The following FOXP4 variants were observed in gnomAD, a reference collection of about 807,000 sequenced individuals.
FOXP4 encodes forkhead box protein P4.
FOXP4 carries 25 observed loss-of-function variants against 82.6 expected under a neutral mutation model. The ratio of observed to expected loss-of-function variants is 0.30; its 90% confidence interval spans 0.22 to 0.42. The LOEUF (loss-of-function observed/expected upper bound fraction) is 0.42, where lower values mean the gene tolerates loss of function less well. Ranked by LOEUF, FOXP4 falls within the 10% of genes least tolerant of loss-of-function variation. The pLI is 1.00. For missense variants in FOXP4, 785 were observed against 900.9 expected (o/e 0.87, Z 1.65); for synonymous variants, 415 against 388.2 (o/e 1.07, Z -0.81).
At position 41,584,836 on chromosome 6, in the gene FOXP4, C is replaced by T. The variant is rs1581764885; in HGVS notation, c.368C>T (p.Ser123Leu). ...LTPQQMQQIL[S>L]PPQLQALLQQ... Reference sequence around the variant, plus strand: ...CCGCAACAGATGCAGCAGATCCTGTCGCCCCCGCAGCTGCAGGCCTTGCTC... The same window carrying T: ...CCGCAACAGATGCAGCAGATCCTGTTGCCCCCGCAGCTGCAGGCCTTGCTC... The change falls in exon 4 of 17, where the codon TCG becomes TTG. Residue 123 changes from serine (S) to leucine (L), a missense_variant. Around this residue, in one of 3 missense-constraint regions of FOXP4, gnomAD observed 570 missense variants for 634.0 expected, o/e 0.90. Transcript: ENST00000307972. 1.9e-6 allele frequency: 3 copies of T among 1,609,828 alleles called. No individual in the cohort carries two copies. The highest frequency in any genetic ancestry group is 2.5e-6 in the Non-Finnish European group (3 of 1,178,320).
At position 41,558,911 on chromosome 6, in the gene FOXP4, G is replaced by C. The variant is rs1436725938; in HGVS notation, c.-16-6834G>C. 6.6e-6 allele frequency among the ~76,000 whole-genome samples: 1 copy of C among 152,248 alleles called. No individual in the cohort carries two copies. The highest frequency in any genetic ancestry group is 1.5e-5 in the Non-Finnish European group (1 of 68,042). On this transcript the variant is annotated intron_variant, in intron 1 of 16. Transcript: ENST00000307972. The surrounding 1 kb of genome is among the most constrained non-coding windows in gnomAD (Gnocchi z 4.0). ...AAACAAATAGAGAAAGAAGGAACTA[G>C]AAGACATCCTTGTGCTCTGGTATCC...
At chr6:41,562,882 G>T (rs1764667566) in intron 1 of FOXP4, among the ~76,000 whole-genome samples, 1 of 152,212 alleles carries the variant, frequency 6.6e-6, no homozygotes, top group African/African-American at 2.4e-5. Flanking sequence ...TGCTGGCTGG[G>T]TGGTTTCAGG....
At chr6:41,553,320 G>T (rs1232345656) in intron 1 of FOXP4, among the ~76,000 whole-genome samples, 1 of 149,506 alleles carries the variant, frequency 6.7e-6, no homozygotes, top group Admixed American at 6.8e-5. Context: ...ATTGAATCTC[G>T]TTGGGAGAGA....
In FOXP4 at chr6:41,594,965, G is replaced by T. The variant is rs1200994334; in HGVS notation, c.1632G>T (p.Gln544His). ...AVWTVDEREY[Q>H]KRRPPKMTGS... Reference sequence around the variant, plus strand: ...GGACTGTGGACGAGCGGGAGTATCAGAAGCGGAGACCGCCAAAGATGACAG... The same window carrying T: ...GGACTGTGGACGAGCGGGAGTATCATAAGCGGAGACCGCCAAAGATGACAG... The change falls in exon 14 of 17, where the codon CAG (glutamine) becomes CAT (histidine). Residue 544 changes from glutamine to histidine, a missense_variant. Transcript: ENST00000307972. The T allele has an allele frequency of 1.2e-6, 2 of 1,614,090 alleles. No homozygotes were observed. Among genetic ancestry groups the T allele is most frequent in the Non-Finnish European group, 1.7e-6 (2 of 1,180,044 alleles).
At chr6:41,561,389 G>A (rs181886614) in intron 1 of FOXP4, among the ~76,000 whole-genome samples, 37 of 152,302 alleles carry the variant, frequency 2.4e-4, no homozygotes, top group Admixed American at 2.4e-3. Flanking sequence ...TAAGAGCCCA[G>A]TATTAGCGAA....
Position 41,599,899 on chromosome 6 carries a change from C to T in FOXP4, c.*963C>T, listed in dbSNP as rs998824997. On this transcript the variant is annotated 3_prime_UTR_variant, in exon 17 of 17. Coordinates refer to ENST00000307972, the MANE Select transcript of FOXP4 (RefSeq NM_001012426.2). ...CTCCCCTTCCTTGCCCGCCTCTCCC[C>T]CCGCCGCCCCACCAGTTAAACGGAT... is the stretch of plus-strand genomic sequence containing the variant. The T allele has an allele frequency of 2.0e-5, 3 of 152,648 alleles. No individual in the cohort carries two copies. The highest frequency in any genetic ancestry group is 7.2e-5 in the African/African-American group (3 of 41,434). 9.5% of individuals were successfully genotyped at this position (152,648 alleles called of 1,614,324 possible). A position where few individuals can be genotyped will look rare whatever the true frequency, so the allele number is the denominator to read the frequency against.
intron 2 of FOXP4, among the ~76,000 whole-genome samples, chr6:41,572,870 C>T (rs932632921): frequency 4.6e-5 from 7 of 152,182 alleles, no homozygotes; most frequent in Non-Finnish European, 8.8e-5. Flanking sequence ...GCCACTGTGT[C>T]CCGTTGGGCA....
intron 1 of FOXP4, among the ~76,000 whole-genome samples, chr6:41,548,012 T>A (rs1215916630): frequency 6.6e-6 from 1 of 152,170 alleles, no homozygotes; most frequent in African/African-American, 2.4e-5. Flanking sequence ...GGCGGCGGAT[T>A]CCCTGTGTCC....
At position 41,562,032 on chromosome 6, in the gene FOXP4, T is replaced by C. The variant is rs371136573; in HGVS notation, c.-16-3713T>C. Among the ~76,000 whole-genome samples the C allele has an allele frequency of 2.2e-4, 33 of 152,342 alleles. No homozygotes were observed. The East Asian group carries it at 2.7e-3, about 12-fold the overall frequency. ...CTTCCCCATCCTGTCTTTAGCTGAC[T>C]GGGTCCCAGGCACCCAGAGCCTGCT... is the stretch of plus-strand genomic sequence containing the variant. On this transcript the variant is annotated intron_variant, in intron 1 of 16. Transcript: ENST00000307972.
At chr6:41,566,773 G>A (rs1764904243) in intron 2 of FOXP4, among the ~76,000 whole-genome samples, 1 of 152,204 alleles carries the variant, frequency 6.6e-6, no homozygotes, top group South Asian at 2.1e-4. Flanking sequence ...TCTGCTCCTG[G>A]AATCACTGCT....
chr6:41,551,951 G>A (rs552359446), intron 1 of FOXP4, among the ~76,000 whole-genome samples: 9 of 152,248 alleles, frequency 5.9e-5, no homozygotes, highest in South Asian at 4.2e-4. Context: ...AACAAGGGCC[G>A]GAGCACAGAT....
At position 41,578,393 on chromosome 6, in the gene FOXP4, G is replaced by C. The variant is rs545954732; in HGVS notation, c.300+312G>C. Among the ~76,000 whole-genome samples the C allele has an allele frequency of 3.3e-5, 5 of 151,888 alleles. No individual in the cohort carries two copies. In the South Asian group the frequency reaches 1.0e-3, roughly 32 times the overall value. Reference sequence around the variant, plus strand: ...GTTCTCCCCTGCCTCTTCCCTTCAGGGTCTCTCTTGGTCACTTCTCATGTT... The same window carrying C: ...GTTCTCCCCTGCCTCTTCCCTTCAGCGTCTCTCTTGGTCACTTCTCATGTT... On this transcript the variant is annotated intron_variant, in intron 3 of 16. Transcript: ENST00000307972.
rs745739756 is a variant in FOXP4, at chr6:41,597,970, C to T, written c.1895+20C>T. The T allele has an allele frequency of 2.0e-6, 3 of 1,467,238 alleles. No homozygotes were observed. The highest frequency in any genetic ancestry group is 1.8e-6 in the Non-Finnish European group (2 of 1,107,522). The allele number at this position is 1,467,238 out of a possible 1,614,324, so 90.9% of individuals were successfully genotyped here. A position where few individuals can be genotyped will look rare whatever the true frequency, so the allele number is the denominator to read the frequency against. On this transcript the variant is annotated intron_variant, in intron 16 of 16. Coordinates refer to ENST00000307972, the MANE Select transcript of FOXP4 (RefSeq NM_001012426.2). ...GTACAGGTGAGCACACAGCACGGAC[C>T]CCCACCCACCCCAGCACCCCTCAAC...
chr6:41,601,763 A>T lies in FOXP4; in HGVS notation c.*2827A>T, dbSNP rs1767221657. 6.6e-6 allele frequency: 1 copy of T among 152,476 alleles called. No individual in the cohort carries two copies. The highest frequency in any genetic ancestry group is 6.5e-5 in the Admixed American group (1 of 15,292). The allele number at this position is 152,476 out of a possible 1,614,324, so 9.4% of individuals were successfully genotyped here. A position where few individuals can be genotyped will look rare whatever the true frequency, so the allele number is the denominator to read the frequency against. On this transcript the variant is annotated 3_prime_UTR_variant, in exon 17 of 17. Transcript: ENST00000307972. The stretch of plus-strand genomic sequence containing the variant: ...AGTGCTGGGATTACAGGCGTGAGCC[A>T]CTGCACCCGGCTCTCACTGGTCTTA...
At chr6:41,584,928 C>A in intron 4 of FOXP4, 37 bp downstream of exon 4, 1 of 1,571,480 alleles carries the variant, frequency 6.4e-7, no homozygotes. Flanking sequence ...CCCTCCTCCT[C>A]TGCCTGGCCT....
Position 41,589,780 on chromosome 6 carries a change from G to C in FOXP4, c.1075G>C (p.Glu359Gln), listed in dbSNP as rs1255660301. Residue 359 changes from glutamate (E) to glutamine (Q), a missense_variant, in exon 10 of 17, where the codon GAG becomes CAG. Physicochemically the swap from Glu to Gln is conservative, Grantham distance 29. This residue lies in a region of FOXP4 where 570 missense variants were observed against 634.0 expected (regional missense o/e 0.90). Transcript: ENST00000307972. ...VQQLEIQLAK[E>Q]SERLQAMMAH... The stretch of plus-strand genomic sequence containing the variant: ...TTGCCACCCTCCACAGCTCGCCAAG[G>C]AGAGCGAGCGGCTGCAGGCCATGAT... 1 of 1,611,198 alleles carries C rather than the reference G, an allele frequency of 6.2e-7. No homozygotes were observed. The highest frequency in any genetic ancestry group is 1.7e-5 in the Admixed American group (1 of 59,994).
intron 2 of FOXP4, among the ~76,000 whole-genome samples, chr6:41,575,761 C>T (rs543010521): frequency 9.0e-4 from 135 of 150,082 alleles, no homozygotes; most frequent in Non-Finnish European, 1.3e-3. Flanking sequence ...AGGAGCCCCT[C>T]CCTGCTGTTC....
intron 2 of FOXP4, among the ~76,000 whole-genome samples, chr6:41,575,553 G>C (rs1032510307): frequency 6.6e-6 from 1 of 152,000 alleles, no homozygotes; most frequent in African/African-American, 2.4e-5. Context: ...GGGGGTGTAG[G>C]GGGAGGAAGG....
chr6:41,549,257 AGGAGTTAC>A (rs759197390), intron 1 of FOXP4, among the ~76,000 whole-genome samples: 5 of 151,986 alleles, frequency 3.3e-5, no homozygotes, highest in Admixed American at 2.6e-4. Context: ...CAGGTTTCCC[AGGAGTTAC>A]GGAGTTGGGG....
Sources: allele counts gnomAD v4.1 joint callset (sites outside exome capture counted in the v4.1 genomes callset), GRCh38; gene constraint gnomAD v4.1.1; regional missense constraint gnomAD v4.1.1; non-coding constraint Gnocchi (gnomAD v3.1); transcripts MANE v1.5; gene names NCBI Gene and HGNC (gene_info 2026-07-23, HGNC 2026-07-21).